The following AP1G2 variants were observed in gnomAD, a reference collection of about 807,000 sequenced individuals.
AP1G2 encodes the protein AP-1 complex subunit gamma-like 2.
Under a neutral mutation model 95.8 loss-of-function variants are expected in AP1G2, and 85 were observed. The observed-to-expected ratio is 0.89, with a 90% CI of 0.74 to 1.06. The LOEUF (loss-of-function observed/expected upper bound fraction) is 1.06. Ranked by LOEUF, AP1G2 falls within the 50% of genes least tolerant of loss-of-function variation. The pLI is 0.00. For synonymous variants in AP1G2, 378 were observed against 400.0 expected, an observed-to-expected ratio of 0.94 and a Z score of 0.66; for missense variants, 967 against 1,005.8, an observed-to-expected ratio of 0.96 and a Z score of 0.52.
At position 23,559,642 on chromosome 14, in the gene AP1G2, C is replaced by A; in HGVS notation, c.*107G>T. 1 of 1,022,062 alleles carries A rather than the reference C, an allele frequency of 9.8e-7. No homozygotes were observed. The highest frequency in any genetic ancestry group is 1.4e-5 in the South Asian group (1 of 71,888). 63.3% of individuals were successfully genotyped at this position (1,022,062 alleles called of 1,614,324 possible). Reference sequence around the variant, plus strand: ...GGGCTGGTCCCCAGTTTTTGCAGTGCAAAGCCAGAGCGCCACCTGCTGGTA... The same window carrying A: ...GGGCTGGTCCCCAGTTTTTGCAGTGAAAAGCCAGAGCGCCACCTGCTGGTA... On this transcript the variant is annotated 3_prime_UTR_variant, in exon 22 of 22. Coordinates refer to ENST00000397120, the MANE Select transcript of AP1G2 (RefSeq NM_003917.5).
At position 23,560,321 on chromosome 14, in the gene AP1G2, G is replaced by A; in HGVS notation, c.2091C>T (p.Thr697=). ...CCTCTGAGAAGTTGGTGGCAGTGATGGTGATTAACAGCAAAGCAGGGTTTT... is the reference window on the plus strand; with the variant it reads ...CCTCTGAGAAGTTGGTGGCAGTGATAGTGATTAACAGCAAAGCAGGGTTTT... ...PPENPALLLI[T]ITATNFSEGD... Residue 697 remains threonine, a synonymous_variant, in exon 20 of 22, where the codon ACC becomes ACT. Transcript: ENST00000397120. 1 of 1,614,088 alleles carries A rather than the reference G, an allele frequency of 6.2e-7. No homozygotes were observed. The highest frequency in any genetic ancestry group is 1.1e-5 in the South Asian group (1 of 91,074).
At chr14:23,566,202 G>C (rs376478969) in intron 4 of AP1G2, 42 bp from the exon 5 acceptor site, 147 of 1,596,444 alleles carry the variant, frequency 9.2e-5, no homozygotes, top group Non-Finnish European at 1.2e-4. Flanking sequence ...AGAGGAGATG[G>C]ACCCCTGCAT....
chr14:23,565,967 T>TC lies in AP1G2; in HGVS notation c.569-76_569-75insG, dbSNP rs756410845. 3.1e-6 allele frequency: 5 copies of TC among 1,609,770 alleles called. No individual in the cohort carries two copies. The East Asian group carries it at 1.1e-4, about 36-fold the overall frequency. On this transcript the variant is annotated intron_variant, in intron 5 of 21. Coordinates refer to ENST00000397120, the MANE Select transcript of AP1G2 (RefSeq NM_003917.5). ...TCTATTGCGTGTGTGCCTGTGTGTG[T>TC]GCACTACCCTTCTCCTGTGAGCTGG...
intron 16 of AP1G2, 93 bp from the exon 17 acceptor site, chr14:23,562,159 T>C: frequency 1.3e-6 from 2 of 1,592,620 alleles, no homozygotes; most frequent in Non-Finnish European, 1.7e-6. Context: ...AATACCCAGA[T>C]TTGGCTCAAA....
Position 23,559,753 on chromosome 14 carries a change from T to C in AP1G2, c.2354A>G (p.Gln785Arg), listed in dbSNP as rs1486747809. The C allele has an allele frequency of 1.2e-6, 2 of 1,613,976 alleles. No homozygotes were observed. Among genetic ancestry groups the C allele is most frequent in the Non-Finnish European group, 1.7e-6 (2 of 1,179,986 alleles). ...TCAGGCTGTGAGTGGAGACAGTTAC[T>C]GCCACGATTCCACAGGCAAGTTGTT... ...EVNNLPVESW[Q>R] The change falls in exon 22 of 22, where the codon CAG becomes CGG. Residue 785 changes from glutamine (Q) to arginine (R), a missense_variant. Physicochemically the swap from Gln to Arg is conservative, Grantham distance 43. Transcript: ENST00000397120.
At position 23,562,593 on chromosome 14, in the gene AP1G2, G is replaced by A; in HGVS notation, c.1411C>T (p.Gln471Ter). The A allele has an allele frequency of 6.2e-7, 1 of 1,613,638 alleles. No individual in the cohort carries two copies. The highest frequency in any genetic ancestry group is 8.5e-7 in the Non-Finnish European group (1 of 1,179,788). Residue 471 changes from glutamine to a stop codon, truncating the protein, a stop_gained and splice_region_variant, in exon 15 of 22, where the codon CAA becomes TAA. Coordinates refer to ENST00000397120, the MANE Select transcript of AP1G2 (RefSeq NM_003917.5). LOFTEE classifies it high-confidence loss of function. ...YNALAEDISQ[Q>*]PLVQVAAWCI... ...CAGGCTGCCACCTGCACCAGTGGTTGCTACATGGGATAAGAAACTGCTGGG... is the reference window on the plus strand; with the variant it reads ...CAGGCTGCCACCTGCACCAGTGGTTACTACATGGGATAAGAAACTGCTGGG...
chr14:23,567,487 C>G lies in AP1G2; in HGVS notation c.-5-168G>C, dbSNP rs765714594. The G allele has an allele frequency of 7.2e-7, 1 of 1,389,322 alleles. No homozygotes were observed. Among genetic ancestry groups the G allele is most frequent in the Non-Finnish European group, 9.3e-7 (1 of 1,079,752 alleles). 86.1% of individuals were successfully genotyped at this position (1,389,322 alleles called of 1,614,324 possible). ...TGGGTCTCCAAATTCCGCGCCCACC[C>G]CACCGCCCGAGAAGCCCACTACGCA... On this transcript the variant is annotated intron_variant, in intron 1 of 21. Coordinates refer to ENST00000397120, the MANE Select transcript of AP1G2 (RefSeq NM_003917.5). The surrounding 1 kb of genome is among the most constrained non-coding windows in gnomAD (Gnocchi z 5.3).
In AP1G2 at chr14:23,559,997, C is replaced by T. The variant is rs141222237; in HGVS notation, c.2197G>A (p.Val733Ile). Residue 733 changes from valine (V) to isoleucine (I), a missense_variant, in exon 21 of 22, where the codon GTT becomes ATT. Val to Ile is a conservative substitution (Grantham distance 29). Transcript: ENST00000397120. ...LQLQAPSGNT[V>I]PARGGLPITQ... ...ATAGGAAGGCCACCCCGAGCTGGAA[C>T]TGTGTTCCCACTGGGGGCCTGCAGC... is the stretch of plus-strand genomic sequence containing the variant. The T allele has an allele frequency of 6.2e-7, 1 of 1,612,806 alleles. No individual in the cohort carries two copies. The highest frequency in any genetic ancestry group is 8.5e-7 in the Non-Finnish European group (1 of 1,179,396).
At chr14:23,564,003 G>A in intron 11 of AP1G2, 43 bp downstream of exon 11, 3 of 1,611,612 alleles carry the variant, frequency 1.9e-6, no homozygotes, top group Non-Finnish European at 2.5e-6. Flanking sequence ...CAGGGCACTG[G>A]GAACCTCTGC....
chr14:23,566,184 C>G, intron 4 of AP1G2, 24 bp from the exon 5 acceptor site: 1 of 1,594,402 alleles, frequency 6.3e-7, no homozygotes, highest in South Asian at 1.1e-5. Context: ...GGGCCTCAGA[C>G]AGGGGTCAGA....
At position 23,566,095 on chromosome 14, in the gene AP1G2, G is replaced by A; in HGVS notation, c.537C>T (p.Pro179=). The A allele has an allele frequency of 6.2e-7, 1 of 1,614,028 alleles. No homozygotes were observed. The highest frequency in any genetic ancestry group is 8.5e-7 in the Non-Finnish European group (1 of 1,179,922). Residue 179 remains proline (P), a synonymous_variant, in exon 5 of 22, where the codon CCC becomes CCT. Coordinates refer to ENST00000397120, the MANE Select transcript of AP1G2 (RefSeq NM_003917.5). ...VPELSSVFLP[P]CAQLLHERHH... ...GACGCTCATGAAGCAGTTGGGCACA[G>A]GGTGGGAGGAAGACACTGGAGAGTT...
intron 2 of AP1G2, 160 bp downstream of exon 2, chr14:23,566,951 C>A: frequency 1.1e-6 from 1 of 930,922 alleles, no homozygotes; most frequent in Admixed American, 2.9e-5. Flanking sequence ...CAGCTGATGA[C>A]CAGTAGGGGT....
intron 7 of AP1G2, 42 bp from the exon 8 acceptor site, chr14:23,565,241 G>C (rs755025481): frequency 6.3e-7 from 1 of 1,595,568 alleles, no homozygotes. Context: ...GGGTTCATAG[G>C]ATAAGGAGTC....
intron 19 of AP1G2, chr14:23,560,989 A>G (rs183520031): frequency 3.6e-5 from 25 of 696,032 alleles, no homozygotes; most frequent in Middle Eastern, 5.8e-4. Context: ...CATGTAAAAA[A>G]GAACATGAAA....
In AP1G2 at chr14:23,563,817, G is replaced by A. The variant is rs2139243487; in HGVS notation, c.1131C>T (p.Ser377=). The A allele has an allele frequency of 6.2e-7, 1 of 1,614,130 alleles. No homozygotes were observed. Among genetic ancestry groups the A allele is most frequent in the Non-Finnish European group, 8.5e-7 (1 of 1,180,008 alleles). Residue 377 remains serine, a synonymous_variant, in exon 12 of 22, where the codon TCC becomes TCT. Coordinates refer to ENST00000397120, the MANE Select transcript of AP1G2 (RefSeq NM_003917.5). Reference sequence around the variant, plus strand: ...GCTCTTGCATCATGGCTCGCACATTGGAGCTATTTACCAGAGCCAGGCTTA... The same window carrying A: ...GCTCTTGCATCATGGCTCGCACATTAGAGCTATTTACCAGAGCCAGGCTTA... The part of the protein sequence containing the change: ...LELSLALVNS[S]NVRAMMQELQ...
intron 19 of AP1G2, 162 bp downstream of exon 19, chr14:23,561,134 A>C (rs1189710128): frequency 1.5e-5 from 20 of 1,364,530 alleles, no homozygotes; most frequent in Non-Finnish European, 1.8e-5. Context: ...GGGAAGACAG[A>C]TGACCATGAT....
At position 23,563,711 on chromosome 14, in the gene AP1G2, C is replaced by T; in HGVS notation, c.1232+5G>A. Reference sequence around the variant, plus strand: ...TCTACCCTCTTCGACTCCTGGGCACCTCACCTCTCTGCAGCCAGCAGGATG... The same window carrying T: ...TCTACCCTCTTCGACTCCTGGGCACTTCACCTCTCTGCAGCCAGCAGGATG... On this transcript the variant is annotated splice_donor_5th_base_variant and intron_variant, in intron 12 of 21. Transcript: ENST00000397120. 6.2e-7 allele frequency: 1 copy of T among 1,614,166 alleles called. No individual in the cohort carries two copies. Among genetic ancestry groups the T allele is most frequent in the Non-Finnish European group, 8.5e-7 (1 of 1,179,992 alleles).
At position 23,566,398 on chromosome 14, in the gene AP1G2, C is replaced by T. The variant is rs756883460; in HGVS notation, c.351G>A (p.Gln117=). 2 of 1,613,776 alleles carry T rather than the reference C, an allele frequency of 1.2e-6. No individual in the cohort carries two copies. Among genetic ancestry groups the T allele is most frequent in the Non-Finnish European group, 8.5e-7 (1 of 1,179,968 alleles). ...SIKNDLSQGI[Q]PVQGLALCTL... ...TGCACAAGGCCAGGCCTTGTACTGG[C>T]TGAATCCCCTGGCTCAGGTCACTGC... The change falls in exon 4 of 22, where the codon CAG becomes CAA. Residue 117 remains glutamine (Q), a synonymous_variant. Coordinates refer to ENST00000397120, the MANE Select transcript of AP1G2 (RefSeq NM_003917.5).
intron 6 of AP1G2, 23 bp downstream of exon 6, chr14:23,565,793 G>T: frequency 1.3e-6 from 2 of 1,595,534 alleles, no homozygotes; most frequent in Non-Finnish European, 1.7e-6. Context: ...CCAGGCCCAG[G>T]GCCTGCCCCT....
Sources: gnomAD v4.1 joint callset for allele counts on GRCh38, gnomAD v4.1.1 for gene constraint, Gnocchi (gnomAD v3.1) non-coding constraint, MANE v1.5 for transcripts, NCBI Gene and HGNC (gene_info 2026-07-23, HGNC 2026-07-21) for gene names.